Variants in CDK10 observed in about 807,000 individuals in gnomAD.
CDK10 encodes cyclin dependent kinase 10.
CDK10 carries 55 observed loss-of-function variants against 51.0 expected under a neutral mutation model. The observed-to-expected ratio is 1.08, with a 90% CI of 0.87 to 1.35. The LOEUF is 1.35. Ranked by LOEUF, CDK10 falls within the 40% of genes most tolerant of loss-of-function variation. CDK10 has a pLI of 0.00. For missense variants in CDK10, 589 were observed against 485.1 expected, an observed-to-expected ratio of 1.21 and a Z score of -2.01; for synonymous variants, 255 against 199.1, an observed-to-expected ratio of 1.28 and a Z score of -2.36.
chr16:89,688,231 G>A (rs777614319), intron 1 of CDK10, among the ~76,000 whole-genome samples: 5 of 151,870 alleles, frequency 3.3e-5, no homozygotes, highest in Admixed American at 1.3e-4. Flanking sequence ...ACAGGCGCCC[G>A]CCACCACGCC....
intron 4 of CDK10, 80 bp downstream of exon 4, chr16:89,691,625 G>C (rs1008468505): frequency 8.8e-5 from 115 of 1,303,400 alleles, no homozygotes; most frequent in South Asian, 7.2e-4. Context: ...AGCGAGGACT[G>C]AGTGTCACTG....
intron 1 of CDK10, among the ~76,000 whole-genome samples, 191 bp from the exon 2 acceptor site, chr16:89,689,061 C>A (rs1029885995): frequency 6.6e-6 from 1 of 150,984 alleles, no homozygotes; most frequent in Non-Finnish European, 1.5e-5. Context: ...GTTCTTGCCA[C>A]TGCACTCCAG....
intron 11 of CDK10, 108 bp downstream of exon 11, chr16:89,695,178 C>T (rs1489150830): frequency 1.1e-5 from 17 of 1,538,830 alleles, no homozygotes; most frequent in African/African-American, 4.1e-5. Context: ...CAGGCACAGC[C>T]GCTCGGAGTG....
intron 3 of CDK10, among the ~76,000 whole-genome samples, 163 bp from the exon 4 acceptor site, chr16:89,691,280 T>C (rs2060433241): frequency 6.7e-6 from 1 of 150,326 alleles, no homozygotes. Context: ...CGAAACTCCG[T>C]CTCAAAAAAA....
intron 12 of CDK10, 87 bp from the exon 13 acceptor site, chr16:89,695,508 T>G (rs1443635457): frequency 1.6e-5 from 24 of 1,514,984 alleles, no homozygotes; most frequent in Middle Eastern, 1.8e-4. Flanking sequence ...CAGGGCCAGG[T>G]CCAGAGGCAG....
At chr16:89,692,611 C>A in intron 6 of CDK10, 95 bp downstream of exon 6, 1 of 799,568 alleles carries the variant, frequency 1.3e-6, no homozygotes. Context: ...GGGTTCCCAG[C>A]TGCAGCAGCC....
At chr16:89,694,402 G>A (rs2060600106) in intron 9 of CDK10, 170 bp downstream of exon 9, 1 of 865,990 alleles carries the variant, frequency 1.2e-6, no homozygotes, top group Non-Finnish European at 1.8e-6. Context: ...AGGAGGAGGT[G>A]TGAGAACTTA....
rs1351893870 is a variant in CDK10 at position 89,687,683 on chromosome 16, C to A, written c.87+886C>A. The A allele has an allele frequency of 1.4e-5, 6 of 437,226 alleles. No individual in the cohort carries two copies. The East Asian group carries it at 4.3e-4, about 32-fold the overall frequency. The allele number at this position is 437,226 out of a possible 1,614,324, so 27.1% of individuals were successfully genotyped here. On this transcript the variant is annotated intron_variant, in intron 1 of 12. Transcript: ENST00000353379. ...GGCTCAAGTGATCTTCCTGCCTCGGCCTCCCAAGTGCTGGAATTACAGGCG... is the reference window on the plus strand; with the variant it reads ...GGCTCAAGTGATCTTCCTGCCTCGGACTCCCAAGTGCTGGAATTACAGGCG...
intron 6 of CDK10, 125 bp downstream of exon 6, chr16:89,692,641 A>ATTTGTGTT: frequency 1.7e-6 from 1 of 600,798 alleles, no homozygotes; most frequent in Non-Finnish European, 2.8e-6. Context: ...CTCGCACTCC[A>ATTTGTGTT]TTTGTGTTTT....
Position 89,695,356 on chromosome 16 carries a change from A to G in CDK10, c.985+11A>G, listed in dbSNP as rs1480285066. ...AGGAGAAGCCCCTACGTGAGTGTGC[A>G]GGGTTCCTGACTCGCTCTGTGGGGT... On this transcript the variant is annotated intron_variant, in intron 12 of 12. Coordinates refer to ENST00000353379, the MANE Select transcript of CDK10 (RefSeq NM_052988.5). 2 of 1,611,340 alleles carry G rather than the reference A, an allele frequency of 1.2e-6. No homozygotes were observed. Among genetic ancestry groups the G allele is most frequent in the Admixed American group, 3.3e-5 (2 of 59,876 alleles).
In CDK10 at chr16:89,695,821, C is replaced by T. The variant is rs1411721100; in HGVS notation, c.*129C>T. On this transcript the variant is annotated 3_prime_UTR_variant, in exon 13 of 13. Coordinates refer to ENST00000353379, the MANE Select transcript of CDK10 (RefSeq NM_052988.5). ...TCATCCCCTTGGCTGGGAACATCCT[C>T]CACTGACTTCCTCCCACTGTCTGCC... The T allele has an allele frequency of 3.2e-6, 5 of 1,540,234 alleles. No homozygotes were observed. Among genetic ancestry groups the T allele is most frequent in the Non-Finnish European group, 4.4e-6 (5 of 1,144,424 alleles).
chr16:89,687,414 G>T, intron 1 of CDK10: 1 of 445,768 alleles, frequency 2.2e-6, no homozygotes, highest in Non-Finnish European at 4.6e-6. Flanking sequence ...TGCTCTGAGA[G>T]GCCAAGCCAC....
rs376895880 is a variant in CDK10, at chr16:89,689,341, A to G, written c.160+17A>G. 23 of 1,609,222 alleles carry G rather than the reference A, an allele frequency of 1.4e-5. No homozygotes were observed. The highest frequency in any genetic ancestry group is 2.0e-5 in the Non-Finnish European group (23 of 1,175,726). On this transcript the variant is annotated intron_variant, in intron 2 of 12. Coordinates refer to ENST00000353379, the MANE Select transcript of CDK10 (RefSeq NM_052988.5). Reference sequence around the variant, plus strand: ...GCATTGTGTGTGAGTGGCCAAGGCTAGGACATGTGGCCGCAGCTCGTGGCT... The same window carrying G: ...GCATTGTGTGTGAGTGGCCAAGGCTGGGACATGTGGCCGCAGCTCGTGGCT...
intron 12 of CDK10, 54 bp from the exon 13 acceptor site, chr16:89,695,541 G>A: frequency 2.6e-6 from 4 of 1,562,278 alleles, no homozygotes; most frequent in Non-Finnish European, 2.6e-6. Flanking sequence ...ACCTGGGCCT[G>A]CTCCTCCTAT....
intron 3 of CDK10, 150 bp from the exon 4 acceptor site, chr16:89,691,293 A>AG (rs2060434205): frequency 1.8e-6 from 1 of 560,864 alleles, no homozygotes; most frequent in East Asian, 3.1e-5. Flanking sequence ...CAAAAAAAAA[A>AG]AAATGCTTAT....
At chr16:89,690,294 G>A (rs2060384265) in intron 2 of CDK10, 1 of 523,964 alleles carries the variant, frequency 1.9e-6, no homozygotes. Context: ...TGGAGCCACA[G>A]AACTGAGTGG....
intron 7 of CDK10, 21 bp downstream of exon 7, chr16:89,693,347 G>A: frequency 6.2e-7 from 1 of 1,614,036 alleles, no homozygotes; most frequent in Non-Finnish European, 8.5e-7. Flanking sequence ...CTTGGGCCAG[G>A]CCCTGTCCCT....
chr16:89,695,779 G>A lies in CDK10; in HGVS notation c.*87G>A. ...AGGGTGCCGCGAGCCAGGCTGACCA[G>A]GCGCCCGGGATCCAGCTCATCCCCT... is the stretch of plus-strand genomic sequence containing the variant. On this transcript the variant is annotated 3_prime_UTR_variant, in exon 13 of 13. Coordinates refer to ENST00000353379, the MANE Select transcript of CDK10 (RefSeq NM_052988.5). 6.3e-7 allele frequency: 1 copy of A among 1,579,390 alleles called. No homozygotes were observed. The highest frequency in any genetic ancestry group is 8.6e-7 in the Non-Finnish European group (1 of 1,165,820).
At chr16:89,695,131 C>G in intron 11 of CDK10, 61 bp downstream of exon 11, 2 of 1,569,840 alleles carry the variant, frequency 1.3e-6, no homozygotes, top group Non-Finnish European at 1.7e-6. Context: ...GACCGTTTCC[C>G]AGAGCCCAGC....
Sources: allele counts gnomAD v4.1 joint callset (sites outside exome capture counted in the v4.1 genomes callset), GRCh38; gene constraint gnomAD v4.1.1; transcripts MANE v1.5; gene names NCBI Gene and HGNC (gene_info 2026-07-23, HGNC 2026-07-21).